Variants in DCC observed in about 807,000 individuals in gnomAD.
DCC encodes the protein netrin receptor DCC.
In DCC, 58 loss-of-function variants were observed where a neutral mutation model predicts 172.5. The observed-to-expected ratio is 0.34, with a 90% CI of 0.27 to 0.42. The LOEUF is 0.42. DCC is among the 10% of genes least tolerant of loss of function. The pLI is 1.00. For synonymous variants in DCC, 709 were observed against 644.5 expected (o/e 1.10, Z -1.52); for missense variants, 1,740 against 1,791.0 (o/e 0.97, Z 0.51).
At chr18:53,519,591 A>G (rs1245728629) in intron 27 of DCC, among the ~76,000 whole-genome samples, 1 of 151,480 alleles carries the variant, frequency 6.6e-6, no homozygotes, top group East Asian at 1.9e-4. Context: ...GAGATCCCAG[A>G]GGATGCTGAC....
At chr18:53,172,114 T>C (rs983845277) in intron 8 of DCC, among the ~76,000 whole-genome samples, 25 of 152,108 alleles carry the variant, frequency 1.6e-4, no homozygotes, top group Admixed American at 1.6e-3. Context: ...ATATGGTGCA[T>C]ATACACCATG....
chr18:52,694,076 G>A (rs1489495454), intron 1 of DCC, among the ~76,000 whole-genome samples: 1 of 152,076 alleles, frequency 6.6e-6, no homozygotes, highest in African/African-American at 2.4e-5. Context: ...AACAAGTCAT[G>A]TTAATAGCAT....
At chr18:52,954,454 G>A (rs993925513) in intron 5 of DCC, among the ~76,000 whole-genome samples, 7 of 151,662 alleles carry the variant, frequency 4.6e-5, no homozygotes. Context: ...AGTCATTTGG[G>A]GAAAAATTAC....
intron 1 of DCC, among the ~76,000 whole-genome samples, chr18:52,681,574 G>C (rs1242426246): frequency 6.6e-6 from 1 of 152,052 alleles, no homozygotes; most frequent in African/African-American, 2.4e-5. Context: ...CTGAAGTAGG[G>C]AGCATTTCTG....
intron 1 of DCC, among the ~76,000 whole-genome samples, chr18:52,514,901 G>C (rs1351058266): frequency 6.6e-6 from 1 of 152,026 alleles, no homozygotes; most frequent in Admixed American, 6.6e-5. Flanking sequence ...TATATTTATT[G>C]GAAAACAAAT....
At chr18:53,149,760 T>C (rs1042754317) in intron 7 of DCC, among the ~76,000 whole-genome samples, 4 of 152,240 alleles carry the variant, frequency 2.6e-5, no homozygotes, top group Admixed American at 2.0e-4. Context: ...GCTCAAACTC[T>C]GAGAGCTATA....
In DCC at chr18:53,519,307, C is replaced by G. The variant is rs143261811; in HGVS notation, c.4112-7310C>G. 1.3e-5 allele frequency among the ~76,000 whole-genome samples: 2 copies of G among 152,164 alleles called. 1 individual carries two copies. The highest frequency in any genetic ancestry group is 2.9e-5 in the Non-Finnish European group (2 of 67,978). On this transcript the variant is annotated intron_variant, in intron 27 of 28. Transcript: ENST00000442544. ...TATCTGGAATATTTATTTGAGCACT[C>G]ATTAAATACTTGGAATTTGTTGTAT...
intron 5 of DCC, among the ~76,000 whole-genome samples, chr18:52,998,111 A>G (rs1424354773): frequency 1.3e-5 from 2 of 152,124 alleles, no homozygotes; most frequent in African/African-American, 2.4e-5. Context: ...AATTAAATTA[A>G]AAGTTGAGTT....
intron 14 of DCC, among the ~76,000 whole-genome samples, chr18:53,330,539 C>T (rs534199797): frequency 6.6e-6 from 1 of 152,138 alleles, no homozygotes; most frequent in Non-Finnish European, 1.5e-5. Context: ...CCTCTCTAGA[C>T]CCCATAGTGT....
At chr18:52,521,232 A>C (rs1159200836) in intron 1 of DCC, among the ~76,000 whole-genome samples, 1 of 152,288 alleles carries the variant, frequency 6.6e-6, no homozygotes, top group Non-Finnish European at 1.5e-5. Flanking sequence ...AAATTAATAA[A>C]ATATTTTGGA....
At chr18:53,421,915 T>C (rs544894682) in intron 21 of DCC, among the ~76,000 whole-genome samples, 22 of 152,182 alleles carry the variant, frequency 1.4e-4, no homozygotes, top group Non-Finnish European at 2.1e-4. Flanking sequence ...GCACATGCAA[T>C]CCTATTTGAT....
intron 1 of DCC, among the ~76,000 whole-genome samples, chr18:52,746,952 G>A (rs1034501704): frequency 6.6e-6 from 1 of 151,556 alleles, no homozygotes; most frequent in Non-Finnish European, 1.5e-5. Context: ...AGGTGGAGAA[G>A]GAGGAAGTGT....
At chr18:52,372,217 C>T (rs545972361) in intron 1 of DCC, among the ~76,000 whole-genome samples, 18 of 152,152 alleles carry the variant, frequency 1.2e-4, no homozygotes, top group Non-Finnish European at 1.9e-4. Flanking sequence ...TCTTTCTGTA[C>T]GAGAGTAGTA....
chr18:52,384,342 G>A (rs142313951), intron 1 of DCC, among the ~76,000 whole-genome samples: 2 of 152,220 alleles, frequency 1.3e-5, no homozygotes, highest in Non-Finnish European at 2.9e-5. Flanking sequence ...AGCTCTTTGT[G>A]TGAATCATTT....
At chr18:52,863,893 G>T (rs1314050546) in intron 2 of DCC, among the ~76,000 whole-genome samples, 1 of 151,956 alleles carries the variant, frequency 6.6e-6, no homozygotes, top group African/African-American at 2.4e-5. Context: ...ATATTTCATT[G>T]ATAACTCAGC....
chr18:53,474,295 A>G (rs923720789), intron 25 of DCC, among the ~76,000 whole-genome samples: 1 of 152,220 alleles, frequency 6.6e-6, no homozygotes, highest in African/African-American at 2.4e-5. Flanking sequence ...AACTAAAATT[A>G]TACAAAACAA....
At chr18:52,406,175 G>T (rs907764998) in intron 1 of DCC, among the ~76,000 whole-genome samples, 1 of 150,346 alleles carries the variant, frequency 6.7e-6, no homozygotes, top group Non-Finnish European at 1.5e-5. Context: ...ATCAATTCAA[G>T]TTGGATTGAA....
chr18:52,992,297 C>T (rs1467457917), intron 5 of DCC, among the ~76,000 whole-genome samples: 2 of 152,160 alleles, frequency 1.3e-5, no homozygotes, highest in African/African-American at 4.8e-5. Flanking sequence ...GAATTAAATG[C>T]AATGTGTTGT....
In DCC at chr18:53,355,612, G is replaced by A. The variant is rs112881580; in HGVS notation, c.2359+15705G>A. Reference sequence around the variant, plus strand: ...ATAAGAATGCTCGCGATTTTTGCACGTTGATTTTGTATCCTGAGACTTTGC... The same window carrying A: ...ATAAGAATGCTCGCGATTTTTGCACATTGATTTTGTATCCTGAGACTTTGC... On this transcript the variant is annotated intron_variant, in intron 15 of 28. Transcript: ENST00000442544. Among the ~76,000 whole-genome samples, 855 of 152,150 alleles carry A rather than the reference G, an allele frequency of 5.6e-3. 9 individuals are homozygous for A. Among genetic ancestry groups the A allele is most frequent in the African/African-American group, 0.019 (779 of 41,532 alleles).
Sources: gnomAD v4.1 joint callset for allele counts (sites outside exome capture counted in the v4.1 genomes callset) on GRCh38, gnomAD v4.1.1 for gene constraint, MANE v1.5 for transcripts, NCBI Gene and HGNC (gene_info 2026-07-23, HGNC 2026-07-21) for gene names.